The following TJP1 variants were observed in gnomAD, a reference collection of about 807,000 sequenced individuals.
The protein encoded by TJP1 is tight junction protein ZO-1.
Under a neutral mutation model 194.2 loss-of-function variants are expected in TJP1, and 43 were observed. The ratio of observed to expected loss-of-function variants is 0.22; its 90% CI spans 0.17 to 0.29. The LOEUF (loss-of-function observed/expected upper bound fraction) is 0.29, where lower values mean the gene tolerates loss of function less well. TJP1 is among the 10% of genes least tolerant of loss of function. The pLI, the probability that TJP1 is intolerant of heterozygous loss-of-function variation, is 1.00. For synonymous variants in TJP1, 801 were observed against 779.0 expected, an observed-to-expected ratio of 1.03 and a Z score of -0.47; for missense variants, 1,971 against 2,185.7, an observed-to-expected ratio of 0.90 and a Z score of 1.96.
At chr15:29,875,240 T>C (rs2052656318) in intron 2 of TJP1, among the ~76,000 whole-genome samples, 1 of 152,236 alleles carries the variant, frequency 6.6e-6, no homozygotes, top group South Asian at 2.1e-4. Context: ...GATAAGGCAC[T>C]GTGGCCATCC....
At chr15:29,888,348 TAC>T (rs1013770449) in intron 2 of TJP1, among the ~76,000 whole-genome samples, 1 of 152,070 alleles carries the variant, frequency 6.6e-6, no homozygotes, top group Non-Finnish European at 1.5e-5. Flanking sequence ...AATAGGAATA[TAC>T]ACACACACAT....
chr15:29,910,053 G>A (rs1399059880), intron 2 of TJP1, among the ~76,000 whole-genome samples: 1 of 152,156 alleles, frequency 6.6e-6, no homozygotes, highest in Non-Finnish European at 1.5e-5. Flanking sequence ...AAGGCAACGT[G>A]ATATTTGTTT....
At position 29,700,663 on chromosome 15, in the gene TJP1, A is replaced by G. The variant is rs2041483071; in HGVS notation, c.*932T>C. 1 of 376,542 alleles carries G rather than the reference A, an allele frequency of 2.7e-6. No homozygotes were observed. The highest frequency in any genetic ancestry group is 2.1e-5 in the African/African-American group (1 of 47,982). The allele number at this position is 376,542 out of a possible 1,614,324, so 23.3% of individuals were successfully genotyped here. Reference sequence around the variant, plus strand: ...CGCATTATGTACAAGCATCCTTAAAACATCAAAATTTTCAAATGCATAGCC... The same window carrying G: ...CGCATTATGTACAAGCATCCTTAAAGCATCAAAATTTTCAAATGCATAGCC... On this transcript the variant is annotated 3_prime_UTR_variant, in exon 28 of 28. Coordinates refer to ENST00000614355, the MANE Select transcript of TJP1 (RefSeq NM_001330239.4).
intron 2 of TJP1, among the ~76,000 whole-genome samples, chr15:29,938,845 C>A (rs560442590): frequency 7.4e-4 from 113 of 152,324 alleles, no homozygotes; most frequent in African/African-American, 2.6e-3. Context: ...CCACAAGAGA[C>A]CCAAACAGGA....
chr15:29,755,264 A>G (rs1478380029), intron 8 of TJP1, among the ~76,000 whole-genome samples: 1 of 152,156 alleles, frequency 6.6e-6, no homozygotes, highest in Non-Finnish European at 1.5e-5. Context: ...AGTACACTCT[A>G]TGATGTTCAC....
rs952108067 is a variant in TJP1 at position 29,761,359 on chromosome 15, A to C, written c.863-73T>G. 1.9e-6 allele frequency: 3 copies of C among 1,549,374 alleles called. No individual in the cohort carries two copies. The African/African-American group carries it at 4.1e-5, about 21-fold the overall frequency. On this transcript the variant is annotated intron_variant, in intron 7 of 27. Coordinates refer to ENST00000614355, the MANE Select transcript of TJP1 (RefSeq NM_001330239.4). ...TCAAGTATAAGGTACTCCAGTAATA[A>C]TGAAGATAAGCTAGTAAGTAAAATT...
At chr15:29,823,750 ATGT>A (rs1347538515), upstream of TJP1, 1 of 152,136 alleles carries the variant, frequency 6.6e-6, no homozygotes, top group Non-Finnish European at 1.5e-5. Context: ...TTTTAAAGTC[ATGT>A]TGTAATTGTT....
At chr15:29,746,294 C>T (rs1008363157) in intron 8 of TJP1, among the ~76,000 whole-genome samples, 12 of 151,868 alleles carry the variant, frequency 7.9e-5, no homozygotes, top group Admixed American at 3.3e-4. Flanking sequence ...AGGAGAATGG[C>T]GTGAACCCGG....
chr15:29,867,594 A>T (rs140956763), intron 2 of TJP1, among the ~76,000 whole-genome samples: 2 of 152,252 alleles, frequency 1.3e-5, no homozygotes, highest in Admixed American at 6.5e-5. Flanking sequence ...GTGTGTAAAA[A>T]ATTTGTTTTA....
At chr15:29,935,502 T>G (rs2054853835) in intron 2 of TJP1, among the ~76,000 whole-genome samples, 1 of 152,120 alleles carries the variant, frequency 6.6e-6, no homozygotes, top group Non-Finnish European at 1.5e-5. Flanking sequence ...TGCTGAAGAC[T>G]CTCATGCCTG....
intron 2 of TJP1, among the ~76,000 whole-genome samples, chr15:29,845,862 T>C (rs571634136): frequency 6.6e-6 from 1 of 152,272 alleles, no homozygotes; most frequent in African/African-American, 2.4e-5. Flanking sequence ...GTTTTCACTA[T>C]TCTATTACAA....
rs555590916 is a variant in TJP1, at chr15:29,754,963, G to A, written c.1010+6176C>T. ...ATGCTGACGAAAACAATTATGGAAG[G>A]TAGAGGAAAAGGTGTGTAAATAAAA... On this transcript the variant is annotated intron_variant, in intron 8 of 27. Coordinates refer to ENST00000614355, the MANE Select transcript of TJP1 (RefSeq NM_001330239.4). Among the ~76,000 whole-genome samples the A allele has an allele frequency of 1.6e-4, 25 of 152,288 alleles. No individual in the cohort carries two copies. The East Asian group carries it at 4.8e-3, about 29-fold the overall frequency.
intron 15 of TJP1, chr15:29,730,623 A>G: frequency 1.6e-6 from 1 of 610,028 alleles, no homozygotes; most frequent in Non-Finnish European, 3.0e-6. Flanking sequence ...AGCAGTGTGA[A>G]GAAGAGGCGA....
intron 1 of TJP1, among the ~76,000 whole-genome samples, chr15:29,802,421 T>C (rs1306323459): frequency 1.3e-5 from 2 of 152,086 alleles, no homozygotes; most frequent in Non-Finnish European, 2.9e-5. Flanking sequence ...TAGATTATCC[T>C]GCCAGATGAA....
intron 2 of TJP1, among the ~76,000 whole-genome samples, chr15:29,853,737 A>C (rs1456018846): frequency 6.6e-6 from 1 of 152,210 alleles, no homozygotes; most frequent in Non-Finnish European, 1.5e-5. Flanking sequence ...TAGTTTTTAA[A>C]ATTTCAAAGC....
At chr15:29,921,137 C>T (rs2054344271) in intron 2 of TJP1, among the ~76,000 whole-genome samples, 1 of 152,148 alleles carries the variant, frequency 6.6e-6, no homozygotes, top group Non-Finnish European at 1.5e-5. Context: ...GGGACTCTCC[C>T]ATCATCCTGG....
chr15:29,961,533 ACTT>A (rs903443584), intron 1 of TJP1, among the ~76,000 whole-genome samples: 5 of 151,892 alleles, frequency 3.3e-5, no homozygotes, highest in African/African-American at 1.2e-4. Flanking sequence ...TGGGGAGAAA[ACTT>A]CTGCCTCTCT....
At chr15:29,744,125 G>A (rs2044608966) in intron 8 of TJP1, among the ~76,000 whole-genome samples, 1 of 152,206 alleles carries the variant, frequency 6.6e-6, no homozygotes, top group African/African-American at 2.4e-5. Context: ...GTTGCAGTGA[G>A]CCAAGATCGT....
At chr15:29,955,724 C>G (rs1159992283) in intron 2 of TJP1, among the ~76,000 whole-genome samples, 1 of 118,234 alleles carries the variant, frequency 8.5e-6, no homozygotes, top group Non-Finnish European at 1.6e-5. Context: ...GCACTCCAGT[C>G]AGGGCAACAG....
Sources: allele counts gnomAD v4.1 joint callset (sites outside exome capture counted in the v4.1 genomes callset), GRCh38; gene constraint gnomAD v4.1.1; transcripts MANE v1.5; gene names NCBI Gene and HGNC (gene_info 2026-07-23, HGNC 2026-07-21).